PTH2R: variants seen among roughly 807,000 people sequenced by gnomAD.
The protein encoded by PTH2R is parathyroid hormone 2 receptor.
In PTH2R, 59 loss-of-function variants were observed where a neutral mutation model predicts 60.3. The ratio of observed to expected loss-of-function variants is 0.98; its 90% confidence interval spans 0.79 to 1.22. PTH2R has a LOEUF of 1.22. Among genes scored for constraint, PTH2R ranks in the 50% most tolerant of loss-of-function variants. The probability of loss-of-function intolerance (pLI) is 0.00; values close to 1 mark genes in which losing one functional copy is unlikely to be tolerated. For missense variants in PTH2R, 749 were observed against 682.6 expected (o/e 1.10, Z -1.08); for synonymous variants, 256 against 243.8 (o/e 1.05, Z -0.47).
chr2:208,382,950 T>C (rs1194607839), intron 1 of PTH2R, among the ~76,000 whole-genome samples: 1 of 152,258 alleles, frequency 6.6e-6, no homozygotes, highest in African/African-American at 2.4e-5. Context: ...CCCACAGCTG[T>C]CCCCTTGGGG....
rs144749535 is a variant in PTH2R, at chr2:208,398,543, G to A, written c.-258-29658G>A. On this transcript the variant is annotated intron_variant, in intron 1 of 12. Coordinates refer to the PTH2R transcript ENST00000617735. ...AAAGGCATAGAAGAAAGACAATCACGCTCTTGTGTTCAAAATGAAAAGCTT... is the reference window on the plus strand; with the variant it reads ...AAAGGCATAGAAGAAAGACAATCACACTCTTGTGTTCAAAATGAAAAGCTT... Among the ~76,000 whole-genome samples the A allele has an allele frequency of 8.7e-4, 132 of 152,246 alleles. No homozygotes were observed. The East Asian group carries it at 0.016, about 18-fold the overall frequency.
intron 11 of PTH2R, among the ~76,000 whole-genome samples, chr2:208,489,359 T>C (rs1020235511): frequency 4.6e-5 from 7 of 152,126 alleles, no homozygotes; most frequent in Admixed American, 4.6e-4. Flanking sequence ...CAGGAGCAGT[T>C]CTGGAGCTGT....
intron 10 of PTH2R, among the ~76,000 whole-genome samples, chr2:208,486,172 T>C (rs1214396355): frequency 6.6e-6 from 1 of 152,208 alleles, no homozygotes; most frequent in Non-Finnish European, 1.5e-5. Context: ...TCCTAGCCTA[T>C]AGAAACTGAG....
At chr2:208,413,727 G>A (rs942355359) in intron 1 of PTH2R, among the ~76,000 whole-genome samples, 13 of 152,142 alleles carry the variant, frequency 8.5e-5, no homozygotes, top group African/African-American at 3.1e-4. Context: ...CTTGAATAAT[G>A]TTACAACTAA....
intron 10 of PTH2R, among the ~76,000 whole-genome samples, chr2:208,485,517 A>G (rs1703252337): frequency 6.6e-6 from 1 of 152,216 alleles, no homozygotes; most frequent in Admixed American, 6.5e-5. Flanking sequence ...TTGAATAGAG[A>G]GTAAAAGTCC....
chr2:208,422,490 A>G (rs1273458134), intron 1 of PTH2R, among the ~76,000 whole-genome samples: 1 of 152,248 alleles, frequency 6.6e-6, no homozygotes, highest in Non-Finnish European at 1.5e-5. Context: ...AGAGAATATT[A>G]TATTCGTTAA....
chr2:208,374,902 G>A (rs1005203970), intron 1 of PTH2R, among the ~76,000 whole-genome samples: 14 of 152,140 alleles, frequency 9.2e-5, no homozygotes, highest in Middle Eastern at 3.4e-3. Context: ...GGCTAGATCC[G>A]GTGCTGCAAA....
chr2:208,485,767 G>A (rs905151600), intron 10 of PTH2R, among the ~76,000 whole-genome samples: 16 of 152,086 alleles, frequency 1.1e-4, no homozygotes, highest in African/African-American at 2.7e-4. Context: ...AATACCCTTC[G>A]CCTTGAGTGT....
intron 1 of PTH2R, among the ~76,000 whole-genome samples, chr2:208,392,986 G>A (rs1285880132): frequency 6.6e-6 from 1 of 152,188 alleles, no homozygotes. Flanking sequence ...AGGAAGGTTC[G>A]TATTGCTGTC....
chr2:208,377,536 G>A (rs1321052188), intron 1 of PTH2R, among the ~76,000 whole-genome samples: 3 of 146,120 alleles, frequency 2.1e-5, no homozygotes, highest in South Asian at 4.3e-4. Context: ...GCGGCTGGCC[G>A]GGCGGGGGCT....
intron 9 of PTH2R, among the ~76,000 whole-genome samples, chr2:208,461,072 A>C (rs1310895740): frequency 6.6e-6 from 1 of 152,128 alleles, no homozygotes; most frequent in African/African-American, 2.4e-5. Context: ...TTAGAAGCCC[A>C]TTGAAATAAA....
intron 1 of PTH2R, among the ~76,000 whole-genome samples, chr2:208,376,862 T>A (rs1700801701): frequency 6.6e-6 from 1 of 151,956 alleles, no homozygotes. Context: ...TCTTTTTTTT[T>A]TAAGTTAATT....
Position 208,444,850 on chromosome 2 carries a change from C to A in PTH2R, c.816C>A (p.Asp272Glu), listed in dbSNP as rs960434142. The change falls in exon 7 of 13, where the codon GAC becomes GAA. Residue 272 changes from aspartate to glutamate, a missense_variant. Coordinates refer to ENST00000272847, the MANE Select transcript of PTH2R (RefSeq NM_005048.4). ...TCATCTTTGTGGCTTTCTTTTCGGA[C>A]ACCAAATACCTGTGGGGCTTCATCT... ...HNLIFVAFFS[D>E]TKYLWGFILI... is the part of the protein sequence containing the mutation. 6.2e-7 allele frequency: 1 copy of A among 1,613,746 alleles called. No individual in the cohort carries two copies. Among genetic ancestry groups the A allele is most frequent in the Admixed American group, 1.7e-5 (1 of 59,978 alleles).
intron 10 of PTH2R, among the ~76,000 whole-genome samples, chr2:208,485,047 A>G (rs1436790244): frequency 6.6e-6 from 1 of 152,206 alleles, no homozygotes; most frequent in Non-Finnish European, 1.5e-5. Context: ...TAAAATGGGG[A>G]AAGTACCAAC....
intron 1 of PTH2R, among the ~76,000 whole-genome samples, chr2:208,416,432 T>C (rs1051280513): frequency 1.3e-5 from 2 of 152,232 alleles, no homozygotes; most frequent in Non-Finnish European, 2.9e-5. Context: ...TATCATCAGT[T>C]CTTTAAATTT....
chr2:208,488,151 G>A (rs771703118), intron 10 of PTH2R, among the ~76,000 whole-genome samples: 1 of 152,188 alleles, frequency 6.6e-6, no homozygotes, highest in Admixed American at 6.5e-5. Context: ...GGAGAATGAT[G>A]AAACTATATC....
chr2:208,396,832 T>C (rs1009582133), intron 1 of PTH2R, among the ~76,000 whole-genome samples: 3 of 152,198 alleles, frequency 2.0e-5, no homozygotes, highest in Non-Finnish European at 4.4e-5. Flanking sequence ...TTATAAATCA[T>C]GCTACTATAA....
At chr2:208,378,576 A>G (rs1349633210) in intron 1 of PTH2R, among the ~76,000 whole-genome samples, 1 of 151,982 alleles carries the variant, frequency 6.6e-6, no homozygotes, top group East Asian at 1.9e-4. Flanking sequence ...GAATAAATTT[A>G]ATGCCTTTAT....
intron 8 of PTH2R, among the ~76,000 whole-genome samples, chr2:208,456,368 C>T (rs1427916862): frequency 6.6e-6 from 1 of 152,156 alleles, no homozygotes; most frequent in African/African-American, 2.4e-5. Context: ...ACACCTTACA[C>T]GGTAATCTGA....
Sources: allele counts gnomAD v4.1 joint callset (sites outside exome capture counted in the v4.1 genomes callset), GRCh38; gene constraint gnomAD v4.1.1; transcripts MANE v1.5; gene names NCBI Gene and HGNC (gene_info 2026-07-23, HGNC 2026-07-21).